The following LRRC8D variants were observed in gnomAD, a reference collection of about 807,000 sequenced individuals.
LRRC8D encodes the protein leucine rich repeat containing 8 VRAC subunit D, also known as volume-regulated anion channel subunit LRRC8D.
Under a neutral mutation model 55.8 loss-of-function variants are expected in LRRC8D, and 20 were observed. The observed-to-expected ratio is 0.36, with a 90% CI of 0.25 to 0.52. The LOEUF (loss-of-function observed/expected upper bound fraction) is 0.52. Ranked by LOEUF, LRRC8D falls within the 20% of genes least tolerant of loss-of-function variation. The pLI, the probability that LRRC8D is intolerant of heterozygous loss-of-function variation, is 0.93. For synonymous variants in LRRC8D, 352 were observed against 377.0 expected (o/e 0.93, Z 0.77); for missense variants, 651 against 1,030.8 (o/e 0.63, Z 5.05).
At chr1:89,853,743 G>A (rs147226192) in intron 2 of LRRC8D, among the ~76,000 whole-genome samples, 2 of 152,258 alleles carry the variant, frequency 1.3e-5, no homozygotes, top group African/African-American at 4.8e-5. Context: ...GATTGGATCT[G>A]ACAGTTAGGT....
chr1:89,841,296 A>G (rs1019406207), intron 1 of LRRC8D, among the ~76,000 whole-genome samples: 14 of 152,016 alleles, frequency 9.2e-5, no homozygotes, highest in Admixed American at 6.5e-4. Context: ...CTTGAAGGCC[A>G]TGGTCATCTG....
rs532477891 is a variant in LRRC8D at position 89,912,396 on chromosome 1, A to G, written c.-2-20671A>G. Among the ~76,000 whole-genome samples the G allele has an allele frequency of 6.0e-5, 9 of 148,976 alleles. 1 individual carries two copies. The South Asian group carries it at 1.8e-3, about 30-fold the overall frequency. ...AATCTCCCCATCCTTCAATTTTCCAACCCTCACCCCCCACCCCCACCCTTT... is the reference window on the plus strand; with the variant it reads ...AATCTCCCCATCCTTCAATTTTCCAGCCCTCACCCCCCACCCCCACCCTTT... On this transcript the variant is annotated intron_variant, in intron 2 of 2. Transcript: ENST00000337338.
intron 1 of LRRC8D, among the ~76,000 whole-genome samples, chr1:89,840,845 A>G (rs1222163111): frequency 6.6e-6 from 1 of 152,234 alleles, no homozygotes; most frequent in South Asian, 2.1e-4. Context: ...AAGAATTTAA[A>G]TATTTTTCTT....
At chr1:89,898,966 C>T (rs974427817) in intron 2 of LRRC8D, among the ~76,000 whole-genome samples, 17 of 152,112 alleles carry the variant, frequency 1.1e-4, no homozygotes, top group Admixed American at 1.1e-3. Context: ...TTTTAAATGT[C>T]GCTGGATGTA....
At chr1:89,832,063 G>A (rs891833898) in intron 1 of LRRC8D, among the ~76,000 whole-genome samples, 2 of 152,224 alleles carry the variant, frequency 1.3e-5, no homozygotes, top group African/African-American at 4.8e-5. Context: ...GGAGGATATT[G>A]TCTACTGGGT....
intron 2 of LRRC8D, among the ~76,000 whole-genome samples, chr1:89,898,516 C>T (rs551141476): frequency 6.6e-6 from 1 of 152,276 alleles, no homozygotes; most frequent in South Asian, 2.1e-4. Context: ...AATGGATTCA[C>T]ACCCAGATAT....
rs151194339 is a variant in LRRC8D at position 89,915,477 on chromosome 1, T to C, written c.-2-17590T>C. Among the ~76,000 whole-genome samples, 370 of 152,394 alleles carry C rather than the reference T, an allele frequency of 2.4e-3. 1 individual carries two copies. Among genetic ancestry groups the C allele is most frequent in the Middle Eastern group, 6.8e-3 (2 of 294 alleles). Reference sequence around the variant, plus strand: ...ACTCCAATAATGATCACATCGTAGATAGATAAATTCTATCACTTGTAAGAT... The same window carrying C: ...ACTCCAATAATGATCACATCGTAGACAGATAAATTCTATCACTTGTAAGAT... On this transcript the variant is annotated intron_variant, in intron 2 of 2. Transcript: ENST00000337338.
chr1:89,880,439 G>A (rs116074013), intron 2 of LRRC8D, among the ~76,000 whole-genome samples: 2 of 151,004 alleles, frequency 1.3e-5, no homozygotes, highest in Non-Finnish European at 1.5e-5. Flanking sequence ...AAATCAGAAA[G>A]AAGAGACCTA....
chr1:89,884,072 G>A (rs1662352078), intron 2 of LRRC8D, among the ~76,000 whole-genome samples: 1 of 152,210 alleles, frequency 6.6e-6, no homozygotes, highest in Admixed American at 6.5e-5. Flanking sequence ...CGTGTTTCAT[G>A]TTAACCTTTT....
chr1:89,880,390 GTAA>G (rs1289522012), intron 2 of LRRC8D, among the ~76,000 whole-genome samples: 1 of 151,738 alleles, frequency 6.6e-6, no homozygotes, highest in Non-Finnish European at 1.5e-5. Flanking sequence ...GTGCTAGACT[GTAA>G]TAATGTGAAA....
At chr1:89,880,776 TATTC>T (rs1454629646) in intron 2 of LRRC8D, among the ~76,000 whole-genome samples, 1 of 152,196 alleles carries the variant, frequency 6.6e-6, no homozygotes, top group Non-Finnish European at 1.5e-5. Context: ...TGAACTGATC[TATTC>T]ATTCTATTCC....
intron 2 of LRRC8D, among the ~76,000 whole-genome samples, chr1:89,909,232 A>G (rs1462234731): frequency 6.6e-6 from 1 of 152,084 alleles, no homozygotes; most frequent in Non-Finnish European, 1.5e-5. Flanking sequence ...TGGTATTACT[A>G]TCTCTCTGGG....
intron 2 of LRRC8D, among the ~76,000 whole-genome samples, chr1:89,845,158 G>C (rs1256703867): frequency 6.6e-6 from 1 of 152,204 alleles, no homozygotes; most frequent in Non-Finnish European, 1.5e-5. Flanking sequence ...ATAGCATTCT[G>C]ATGCTGAAAA....
At chr1:89,925,449 T>C (rs1034601013) in intron 2 of LRRC8D, among the ~76,000 whole-genome samples, 1 of 152,162 alleles carries the variant, frequency 6.6e-6, no homozygotes, top group Non-Finnish European at 1.5e-5. Context: ...CCCCCGTCCA[T>C]GGAAAAATTG....
intron 2 of LRRC8D, among the ~76,000 whole-genome samples, chr1:89,878,061 A>G (rs1426309564): frequency 6.6e-6 from 1 of 152,208 alleles, no homozygotes; most frequent in Non-Finnish European, 1.5e-5. Flanking sequence ...AAGAAAATTC[A>G]GAATCATGTC....
At chr1:89,879,362 C>T (rs1662223155) in intron 2 of LRRC8D, among the ~76,000 whole-genome samples, 1 of 152,122 alleles carries the variant, frequency 6.6e-6, no homozygotes. Flanking sequence ...AGCTTTTGAG[C>T]AGACCGACAT....
At chr1:89,922,278 TG>T (rs1213222967) in intron 2 of LRRC8D, among the ~76,000 whole-genome samples, 2 of 152,146 alleles carry the variant, frequency 1.3e-5, no homozygotes, top group Non-Finnish European at 2.9e-5. Flanking sequence ...TTGGCCAGGC[TG>T]GTCTCGAGCT....
intron 2 of LRRC8D, among the ~76,000 whole-genome samples, chr1:89,898,892 A>G (rs76048990): frequency 6.6e-6 from 1 of 152,246 alleles, no homozygotes; most frequent in African/African-American, 2.4e-5. Flanking sequence ...TATGAAAGCC[A>G]GTGTTGAGTA....
chr1:89,860,267 A>G (rs1356888176), intron 2 of LRRC8D, among the ~76,000 whole-genome samples: 20 of 152,192 alleles, frequency 1.3e-4, no homozygotes, highest in Admixed American at 1.3e-3. Context: ...ACACTTTCTG[A>G]TCTCTCTCAG....
Sources: gnomAD v4.1 joint callset for allele counts (sites outside exome capture counted in the v4.1 genomes callset) on GRCh38, gnomAD v4.1.1 for gene constraint, MANE v1.5 for transcripts, NCBI Gene and HGNC (gene_info 2026-07-23, HGNC 2026-07-21) for gene names.